The following TERF2 variants were observed in gnomAD, a reference collection of about 807,000 sequenced individuals.
The protein encoded by TERF2 is telomeric repeat-binding factor 2.
A neutral mutation model predicts 56.1 loss-of-function variants in TERF2; 16 were observed. The ratio of observed to expected loss-of-function variants is 0.29; its 90% CI spans 0.19 to 0.43. The LOEUF (loss-of-function observed/expected upper bound fraction) is 0.43. TERF2 is among the 20% of genes least tolerant of loss of function. TERF2 has a pLI of 1.00. For missense variants in TERF2, 547 were observed against 712.9 expected (o/e 0.77, Z 2.65); for synonymous variants, 296 against 282.1 (o/e 1.05, Z -0.50).
Position 69,357,050 on chromosome 16 carries a change from T to A in TERF2, c.1477A>T (p.Thr493Ser). 1.2e-6 allele frequency: 2 copies of A among 1,604,328 alleles called. No individual in the cohort carries two copies. The highest frequency in any genetic ancestry group is 1.7e-6 in the Non-Finnish European group (2 of 1,177,288). ...TTGACCCACTCGCTTTCTTCTACAGTCCACTTCTGCAAAAGAAAACCAAAA... is the reference window on the plus strand; with the variant it reads ...TTGACCCACTCGCTTTCTTCTACAGACCACTTCTGCAAAAGAAAACCAAAA... ...TTNITKKQKWTVEESEWVKAG... is the reference protein window; with the variant it reads ...TTNITKKQKWSVEESEWVKAG... Residue 493 changes from threonine (T) to serine (S), a missense_variant, in exon 10 of 10, where the codon ACT becomes TCT. Thr to Ser is a moderately conservative substitution (Grantham distance 58, BLOSUM62 1). Around this residue, in one of 6 missense-constraint regions of TERF2, gnomAD observed 33 missense variants for 69.9 expected, o/e 0.47. Transcript: ENST00000254942.
At chr16:69,383,187 C>G (rs1490878425) in intron 3 of TERF2, among the ~76,000 whole-genome samples, 1 of 152,098 alleles carries the variant, frequency 6.6e-6, no homozygotes. Context: ...CATCCTAAAT[C>G]TGAAAATCCG....
At chr16:69,378,021 A>C (rs904040729) in intron 3 of TERF2, among the ~76,000 whole-genome samples, 2 of 152,130 alleles carry the variant, frequency 1.3e-5, no homozygotes, top group Admixed American at 6.5e-5. Context: ...TACCATTAAG[A>C]ATGTTAGCTG....
rs552288604 is a variant in TERF2, at chr16:69,356,666, G to T, written c.*232C>A. On this transcript the variant is annotated 3_prime_UTR_variant, in exon 10 of 10. Coordinates refer to ENST00000254942, the MANE Select transcript of TERF2 (RefSeq NM_005652.5). The stretch of plus-strand genomic sequence containing the variant: ...ATACAAAACATTAGCCGGGCGTGAT[G>T]GCGGGCGCCTGTAGTCCCAGCTACT... The T allele has an allele frequency of 3.9e-5, 16 of 407,610 alleles. No individual in the cohort carries two copies. The Admixed American group carries it at 6.7e-4, about 17-fold the overall frequency. The allele number at this position is 407,610 out of a possible 1,614,324, so 25.2% of individuals were successfully genotyped here.
Position 69,366,845 on chromosome 16 carries a change from G to C in TERF2, c.1302C>G (p.Thr434=), listed in dbSNP as rs2013365477. ...EAASAPPSKP[T]VLNQPLPGEK... ...CTCCAGGGAGGGGTTGGTTGAGAAC[G>C]GTGGGCTTGGATGGTGGCGCTGAAG... Residue 434 remains threonine (T), a synonymous_variant, in exon 7 of 10, where the codon ACC becomes ACG. Coordinates refer to ENST00000254942, the MANE Select transcript of TERF2 (RefSeq NM_005652.5). 3 of 1,613,896 alleles carry C rather than the reference G, an allele frequency of 1.9e-6. No individual in the cohort carries two copies. The African/African-American group carries it at 4.0e-5, about 22-fold the overall frequency.
Position 69,372,329 on chromosome 16 carries a change from T to A in TERF2, c.633A>T (p.Lys211Asn). The change falls in exon 4 of 10, where the codon AAA (lysine) becomes AAT (asparagine). Residue 211 changes from lysine to asparagine, a missense_variant. Coordinates refer to ENST00000254942, the MANE Select transcript of TERF2 (RefSeq NM_005652.5). ...EAAVIICIKN[K>N]EFEKASKILK... ...AAATTTTTGAAGCCTTTTCAAATTC[T>A]TTGTTTTTGATACAAATAATGACAG... is the stretch of plus-strand genomic sequence containing the variant. 6.2e-7 allele frequency: 1 copy of A among 1,611,132 alleles called. No individual in the cohort carries two copies. Among genetic ancestry groups the A allele is most frequent in the Non-Finnish European group, 8.5e-7 (1 of 1,178,812 alleles).
intron 8 of TERF2, among the ~76,000 whole-genome samples, chr16:69,359,627 A>ATT (rs564611021): frequency 0.012 from 865 of 72,614 alleles, 275 homozygotes; most frequent in African/African-American, 0.027. Context: ...ATCATTCCCA[A>ATT]TTTTTTTTTT....
intron 4 of TERF2, among the ~76,000 whole-genome samples, chr16:69,371,324 C>G (rs955980831): frequency 6.6e-6 from 1 of 151,164 alleles, no homozygotes; most frequent in African/African-American, 2.4e-5. Context: ...CATGTTAAAA[C>G]CCCGTCTCTA....
rs574796583 is a variant in TERF2, at chr16:69,376,245, T to C, written c.607-3890A>G. Among the ~76,000 whole-genome samples the C allele has an allele frequency of 2.9e-4, 44 of 152,214 alleles. 1 individual carries two copies. The highest frequency in any genetic ancestry group is 4.6e-4 in the Non-Finnish European group (31 of 68,038). ...TTTTGTACAAGATGTGAGCTTATGGTCAAAGTTCATTTCTGCATATGGACA... is the reference window on the plus strand; with the variant it reads ...TTTTGTACAAGATGTGAGCTTATGGCCAAAGTTCATTTCTGCATATGGACA... On this transcript the variant is annotated intron_variant, in intron 3 of 9. Transcript: ENST00000254942.
chr16:69,382,894 G>A (rs2014055837), intron 3 of TERF2, among the ~76,000 whole-genome samples: 1 of 152,104 alleles, frequency 6.6e-6, no homozygotes. Flanking sequence ...GCTTATTCTT[G>A]GAGTAACTTG....
At chr16:69,371,895 A>G (rs112308000) in intron 4 of TERF2, among the ~76,000 whole-genome samples, 1 of 152,204 alleles carries the variant, frequency 6.6e-6, no homozygotes, top group Non-Finnish European at 1.5e-5. Flanking sequence ...TGACACCAGG[A>G]AACAGGTGCT....
At chr16:69,376,966 C>T (rs552867362) in intron 3 of TERF2, among the ~76,000 whole-genome samples, 6 of 151,744 alleles carry the variant, frequency 4.0e-5, no homozygotes, top group Admixed American at 6.6e-5. Flanking sequence ...TCTGGGAGGC[C>T]GACGCAGGCG....
intron 3 of TERF2, among the ~76,000 whole-genome samples, chr16:69,373,488 C>T (rs2013651860): frequency 6.6e-6 from 1 of 152,178 alleles, no homozygotes; most frequent in African/African-American, 2.4e-5. Flanking sequence ...ATCTCAAATC[C>T]TGTCTGAGAG....
chr16:69,359,113 C>G (rs2013029564), intron 8 of TERF2, among the ~76,000 whole-genome samples: 1 of 152,164 alleles, frequency 6.6e-6, no homozygotes, highest in East Asian at 1.9e-4. Context: ...CCTAATGGGA[C>G]CACCGTCACC....
At chr16:69,374,679 A>C (rs1362688472) in intron 3 of TERF2, among the ~76,000 whole-genome samples, 4 of 116,876 alleles carry the variant, frequency 3.4e-5, no homozygotes, top group Non-Finnish European at 6.8e-5. Context: ...AAAAAAAAAA[A>C]AAAAAGGGCC....
chr16:69,384,172 T>C (rs2014103149), intron 3 of TERF2, among the ~76,000 whole-genome samples: 1 of 152,220 alleles, frequency 6.6e-6, no homozygotes, highest in East Asian at 1.9e-4. Flanking sequence ...TAAGCCCCTC[T>C]TTCTGCAGAC....
intron 9 of TERF2, 136 bp downstream of exon 9, chr16:69,357,382 T>C (rs1167338665): frequency 1.4e-6 from 1 of 721,446 alleles, no homozygotes; most frequent in Non-Finnish European, 2.3e-6. Context: ...TACTTTAACT[T>C]AGTTTGGATT....
intron 3 of TERF2, among the ~76,000 whole-genome samples, chr16:69,384,170 T>C (rs919564657): frequency 1.3e-5 from 2 of 152,228 alleles, no homozygotes; most frequent in African/African-American, 2.4e-5. Flanking sequence ...TCTAAGCCCC[T>C]CTTTCTGCAG....
chr16:69,368,591 C>A (rs1397344204), intron 5 of TERF2, 109 bp from the exon 6 acceptor site: 1 of 1,552,498 alleles, frequency 6.4e-7, no homozygotes, highest in East Asian at 2.3e-5. Flanking sequence ...ACTTACAAAT[C>A]CAATCTAGGC....
intron 5 of TERF2, 156 bp from the exon 6 acceptor site, chr16:69,368,638 A>C: frequency 6.6e-7 from 1 of 1,525,924 alleles, no homozygotes; most frequent in Non-Finnish European, 8.8e-7. Flanking sequence ...AGAACTTGTA[A>C]GACTTATAAA....
Sources: allele counts gnomAD v4.1 joint callset (sites outside exome capture counted in the v4.1 genomes callset), GRCh38; gene constraint gnomAD v4.1.1; regional missense constraint gnomAD v4.1.1; transcripts MANE v1.5; gene names NCBI Gene and HGNC (gene_info 2026-07-23, HGNC 2026-07-21).